Variants in RBFOX1 observed in about 807,000 individuals in gnomAD.
RBFOX1 encodes RNA binding protein fox-1 homolog 1.
A neutral mutation model predicts 57.7 loss-of-function variants in RBFOX1; 8 were observed. The ratio of observed to expected loss-of-function variants is 0.14; its 90% CI spans 0.08 to 0.25. The LOEUF (loss-of-function observed/expected upper bound fraction) is 0.25, where lower values mean the gene tolerates loss of function less well. RBFOX1 is among the 10% of genes least tolerant of loss of function. The probability of loss-of-function intolerance (pLI) is 1.00; values close to 1 mark genes in which losing one functional copy is unlikely to be tolerated. For synonymous variants in RBFOX1, 326 were observed against 222.4 expected (o/e 1.47, Z -4.15); for missense variants, 611 against 548.5 (o/e 1.11, Z -1.14).
At chr16:6,294,161 G>A (rs747880693) in intron 1 of RBFOX1, among the ~76,000 whole-genome samples, 3 of 152,104 alleles carry the variant, frequency 2.0e-5, no homozygotes, top group Non-Finnish European at 4.4e-5. Context: ...CAGCCTGAGC[G>A]ACAGAGTGAG....
In RBFOX1 at chr16:6,984,323, C is replaced by G. The variant is rs193151763; in HGVS notation, c.-15-67734C>G. 2.7e-3 allele frequency among the ~76,000 whole-genome samples: 414 copies of G among 152,254 alleles called. 2 individuals carry two copies. Among genetic ancestry groups the G allele is most frequent in the African/African-American group, 9.6e-3 (399 of 41,552 alleles). Reference sequence around the variant, plus strand: ...AGAGAAATTTGACCAGCCCTTTGATCTGTGAAATATGATGGTATCAATGTC... The same window carrying G: ...AGAGAAATTTGACCAGCCCTTTGATGTGTGAAATATGATGGTATCAATGTC... On this transcript the variant is annotated intron_variant, in intron 3 of 15. Coordinates refer to ENST00000550418, the MANE Select transcript of RBFOX1 (RefSeq NM_018723.4).
chr16:6,918,334 G>C (rs139720308), intron 3 of RBFOX1, among the ~76,000 whole-genome samples: 4 of 151,040 alleles, frequency 2.6e-5, no homozygotes, highest in African/African-American at 9.7e-5. Flanking sequence ...CAGGCCTACC[G>C]AATCAGACCA....
At chr16:7,570,774 C>A (rs1253761090) in intron 5 of RBFOX1, among the ~76,000 whole-genome samples, 1 of 152,156 alleles carries the variant, frequency 6.6e-6, no homozygotes, top group South Asian at 2.1e-4. Flanking sequence ...CTGTTACAGA[C>A]ACACATACAC....
intron 4 of RBFOX1, among the ~76,000 whole-genome samples, chr16:5,995,372 T>C (rs9928349): frequency 0.74 from 112,143 of 152,088 alleles, 41,725 homozygotes; most frequent in East Asian, 0.83. Context: ...GGCAAGCTCA[T>C]TAAGATAGAT....
intron 3 of RBFOX1, among the ~76,000 whole-genome samples, chr16:6,942,176 T>G (rs1050054244): frequency 5.3e-5 from 8 of 151,970 alleles, no homozygotes; most frequent in African/African-American, 1.9e-4. Flanking sequence ...GAGATGGAGG[T>G]TGCAGTGAGC....
rs560572014 is a variant in RBFOX1, at chr16:5,724,240, A to G, written c.318+125279A>G. 2.6e-5 allele frequency among the ~76,000 whole-genome samples: 4 copies of G among 152,330 alleles called. No individual in the cohort carries two copies. In the East Asian group the frequency reaches 7.7e-4, roughly 29 times the overall value. On this transcript the variant is annotated intron_variant, in intron 3 of 19. Coordinates refer to the RBFOX1 transcript ENST00000641259. ...AGACCCAAGGGCTGGAAAGGCCCCA[A>G]AATAAAACCTGTGTCTGGGGTAGTT...
chr16:6,782,093 G>A (rs1391786260), intron 3 of RBFOX1, among the ~76,000 whole-genome samples: 5 of 151,938 alleles, frequency 3.3e-5, no homozygotes, highest in Non-Finnish European at 5.9e-5. Context: ...TGCAACCTCC[G>A]CCTCCTGGGT....
At chr16:7,650,945 A>G (rs532407039) in intron 11 of RBFOX1, among the ~76,000 whole-genome samples, 82 of 152,284 alleles carry the variant, frequency 5.4e-4, no homozygotes, top group African/African-American at 1.9e-3. Context: ...CGTGTTCCCC[A>G]TTAAGACCCC....
chr16:6,620,754 G>C (rs937462335), intron 2 of RBFOX1, among the ~76,000 whole-genome samples: 1 of 152,160 alleles, frequency 6.6e-6, no homozygotes, highest in Admixed American at 6.5e-5. Context: ...AACTCTGAAA[G>C]AAATGGATAA....
At chr16:6,652,693 A>G (rs1048933841) in intron 2 of RBFOX1, among the ~76,000 whole-genome samples, 3 of 152,140 alleles carry the variant, frequency 2.0e-5, no homozygotes, top group African/African-American at 4.8e-5. Flanking sequence ...GACTCATACA[A>G]TGAGAGGAGT....
At chr16:5,385,846 T>C (rs759088806) in intron 1 of RBFOX1, among the ~76,000 whole-genome samples, 16 of 152,190 alleles carry the variant, frequency 1.1e-4, no homozygotes, top group Non-Finnish European at 2.1e-4. Flanking sequence ...AAGAGGTGAA[T>C]GCAACTGATA....
intron 3 of RBFOX1, among the ~76,000 whole-genome samples, chr16:6,858,344 A>G (rs1447042354): frequency 6.6e-6 from 1 of 152,226 alleles, no homozygotes; most frequent in Admixed American, 6.5e-5. Context: ...CATCTAAAAT[A>G]CAGGAAAAAG....
intron 3 of RBFOX1, chr16:7,003,915 T>C (rs1449312059): frequency 1.3e-5 from 2 of 152,062 alleles, no homozygotes; most frequent in Non-Finnish European, 2.9e-5. Context: ...AAATGGTCAT[T>C]AGGAGAACTG....
At chr16:6,512,080 A>T (rs80356203) in intron 2 of RBFOX1, among the ~76,000 whole-genome samples, 12,291 of 151,152 alleles carry the variant, frequency 0.081, 596 homozygotes, top group Middle Eastern at 0.13. Flanking sequence ...AGACCAGTGT[A>T]TGCAACATAG....
intron 3 of RBFOX1, among the ~76,000 whole-genome samples, chr16:6,905,061 A>G (rs2069489846): frequency 6.6e-6 from 1 of 152,178 alleles, no homozygotes; most frequent in Non-Finnish European, 1.5e-5. Context: ...GAATTACTTA[A>G]TAAACTTCGT....
intron 4 of RBFOX1, among the ~76,000 whole-genome samples, chr16:7,327,109 G>A (rs1206901651): frequency 6.6e-6 from 1 of 152,194 alleles, no homozygotes; most frequent in Admixed American, 6.5e-5. Context: ...AAAGGTGATG[G>A]TGCACTTAGT....
At chr16:7,273,911 T>C (rs1018366199) in intron 4 of RBFOX1, among the ~76,000 whole-genome samples, 2 of 152,240 alleles carry the variant, frequency 1.3e-5, no homozygotes, top group East Asian at 1.9e-4. Context: ...TCAGTTGTCA[T>C]TGATTGCTTC....
chr16:7,202,851 GC>G (rs1423094632), intron 4 of RBFOX1, among the ~76,000 whole-genome samples: 2 of 152,162 alleles, frequency 1.3e-5, no homozygotes, highest in Non-Finnish European at 2.9e-5. Flanking sequence ...GGTCCCTGGT[GC>G]CAAAAAGGTT....
chr16:5,867,335 G>T (rs912202329), exon 4 of RBFOX1: 2 of 1,205,212 alleles, frequency 1.7e-6, no homozygotes, highest in East Asian at 3.2e-5. Context: ...GCAAAGCTGA[G>T]GTAGGAAACG....
Sources: gnomAD v4.1 joint callset for allele counts (sites outside exome capture counted in the v4.1 genomes callset) on GRCh38, gnomAD v4.1.1 for gene constraint, MANE v1.5 for transcripts, NCBI Gene and HGNC (gene_info 2026-07-23, HGNC 2026-07-21) for gene names.